The following NALCN variants were observed in gnomAD, a reference collection of about 807,000 sequenced individuals.
NALCN encodes sodium leak channel, non-selective.
A neutral mutation model predicts 225.3 loss-of-function variants in NALCN; 111 were observed. That is an observed-to-expected ratio of 0.49 (90% CI 0.42 to 0.58). The LOEUF is 0.58. Among genes scored for constraint, NALCN ranks in the 20% least tolerant of loss-of-function variants. NALCN has a pLI of 0.00. For missense variants in NALCN, 1,378 were observed against 2,202.4 expected, an observed-to-expected ratio of 0.63 and a Z score of 7.49; for synonymous variants, 764 against 769.0, an observed-to-expected ratio of 0.99 and a Z score of 0.11.
At chr13:101,281,852 GAGT>G (rs2043178691) in intron 10 of NALCN, among the ~76,000 whole-genome samples, 3 of 152,100 alleles carry the variant, frequency 2.0e-5, no homozygotes, top group Admixed American at 6.5e-5. Flanking sequence ...AGCAAATTCT[GAGT>G]AGATTTTTTT....
At chr13:101,361,989 T>C (rs944246888) in intron 6 of NALCN, among the ~76,000 whole-genome samples, 1 of 151,942 alleles carries the variant, frequency 6.6e-6, no homozygotes, top group Non-Finnish European at 1.5e-5. Context: ...TATTCTGAAA[T>C]ATATTCTTAT....
At chr13:101,112,511 G>A (rs1436775002) in intron 18 of NALCN, among the ~76,000 whole-genome samples, 1 of 152,110 alleles carries the variant, frequency 6.6e-6, no homozygotes, top group Non-Finnish European at 1.5e-5. Flanking sequence ...ATAACACAAG[G>A]GATTAAAAGA....
chr13:101,317,711 T>C (rs1041357352), intron 7 of NALCN, among the ~76,000 whole-genome samples: 1 of 152,150 alleles, frequency 6.6e-6, no homozygotes, highest in Non-Finnish European at 1.5e-5. Context: ...CCCTTACCTC[T>C]ACATGGGCCA....
intron 11 of NALCN, among the ~76,000 whole-genome samples, chr13:101,240,596 A>C (rs1273859146): frequency 6.6e-6 from 1 of 152,090 alleles, no homozygotes; most frequent in Non-Finnish European, 1.5e-5. Flanking sequence ...TGAATGCATT[A>C]GTTATAAAGG....
chr13:101,114,005 G>A (rs945784777), intron 18 of NALCN, among the ~76,000 whole-genome samples: 2 of 152,140 alleles, frequency 1.3e-5, no homozygotes, highest in African/African-American at 2.4e-5. Context: ...AGCGGCAGGT[G>A]CGTGGGGACT....
At position 101,397,105 on chromosome 13, in the gene NALCN, T is replaced by TATAC. The variant is rs1555346485; in HGVS notation, c.109-1741_109-1740insGTAT. 1.3e-4 allele frequency among the ~76,000 whole-genome samples: 10 copies of TATAC among 77,814 alleles called. 1 individual carries two copies. Among genetic ancestry groups the TATAC allele is most frequent in the Admixed American group, 4.2e-4 (3 of 7,132 alleles). 51.0% of individuals were successfully genotyped at this position (77,814 alleles called of 152,430 possible). A position where few individuals can be genotyped will look rare whatever the true frequency, so the allele number is the denominator to read the frequency against. ...ATATATATATATATATATATATATA[T>TATAC]ATATACATACACATACATATATATA... On this transcript the variant is annotated intron_variant, in intron 2 of 43. Coordinates refer to ENST00000251127, the MANE Select transcript of NALCN (RefSeq NM_052867.4).
At chr13:101,393,689 C>G (rs2047206849) in intron 3 of NALCN, among the ~76,000 whole-genome samples, 1 of 152,128 alleles carries the variant, frequency 6.6e-6, no homozygotes, top group Admixed American at 6.5e-5. Flanking sequence ...TGCCTGTAAT[C>G]CCAGCTACTT....
chr13:101,309,753 G>A (rs2044274651), intron 7 of NALCN, among the ~76,000 whole-genome samples: 1 of 152,162 alleles, frequency 6.6e-6, no homozygotes, highest in African/African-American at 2.4e-5. Flanking sequence ...ATCCTTTACT[G>A]TGTCAAAGAA....
At chr13:101,312,158 G>C (rs1042700669) in intron 7 of NALCN, among the ~76,000 whole-genome samples, 1 of 152,164 alleles carries the variant, frequency 6.6e-6, no homozygotes, top group African/African-American at 2.4e-5. Flanking sequence ...AGAGGTGTTT[G>C]TAATATTCTC....
intron 7 of NALCN, among the ~76,000 whole-genome samples, chr13:101,341,433 G>T (rs1416002768): frequency 2.6e-5 from 4 of 152,002 alleles, no homozygotes; most frequent in Non-Finnish European, 5.9e-5. Context: ...ATTTTTTCTG[G>T]ATGCCTAATG....
chr13:101,170,805 G>T (rs2038675092), intron 15 of NALCN, among the ~76,000 whole-genome samples: 2 of 152,104 alleles, frequency 1.3e-5, no homozygotes, highest in African/African-American at 4.8e-5. Flanking sequence ...AATCTAAACA[G>T]ACTACCTATA....
chr13:101,370,795 C>A (rs568901142), intron 6 of NALCN, among the ~76,000 whole-genome samples: 1 of 152,092 alleles, frequency 6.6e-6, no homozygotes, highest in African/African-American at 2.4e-5. Context: ...ACTGCACATA[C>A]GAAAGTGTAC....
rs2047396913 is a variant in NALCN, at chr13:101,399,182, T to C, written c.-39-17A>G. ...AACCACAGTCTGGGAAAAGGAAAAG[T>C]TGTATTTGTCATCTAAACCATCTTG... is the stretch of plus-strand genomic sequence containing the variant. On this transcript the variant is annotated splice_polypyrimidine_tract_variant and intron_variant, in intron 1 of 43. Coordinates refer to ENST00000251127, the MANE Select transcript of NALCN (RefSeq NM_052867.4). 2 of 1,601,450 alleles carry C rather than the reference T, an allele frequency of 1.2e-6. No homozygotes were observed. Among genetic ancestry groups the C allele is most frequent in the African/African-American group, 1.3e-5 (1 of 74,576 alleles).
chr13:101,076,961 T>C (rs1381640141), intron 34 of NALCN, among the ~76,000 whole-genome samples: 1 of 152,172 alleles, frequency 6.6e-6, no homozygotes, highest in Non-Finnish European at 1.5e-5. Context: ...ATAATCCCCA[T>C]GTATCCTGGG....
intron 6 of NALCN, among the ~76,000 whole-genome samples, chr13:101,356,023 C>T (rs1048540944): frequency 2.0e-5 from 3 of 152,016 alleles, no homozygotes; most frequent in African/African-American, 7.3e-5. Context: ...GACAACGTAC[C>T]AGAATATCTG....
intron 12 of NALCN, among the ~76,000 whole-genome samples, chr13:101,235,292 A>G (rs2041513407): frequency 6.6e-6 from 1 of 152,008 alleles, no homozygotes; most frequent in Non-Finnish European, 1.5e-5. Flanking sequence ...CACAAATGTT[A>G]TTTTCTAACT....
chr13:101,177,890 T>G (rs182070551), intron 14 of NALCN, among the ~76,000 whole-genome samples: 14 of 152,348 alleles, frequency 9.2e-5, no homozygotes, highest in Non-Finnish European at 1.9e-4. Context: ...TATATCAACA[T>G]GATTAAATTA....
At chr13:101,186,756 G>A (rs961002354) in intron 14 of NALCN, among the ~76,000 whole-genome samples, 1 of 152,024 alleles carries the variant, frequency 6.6e-6, no homozygotes, top group Admixed American at 6.6e-5. Flanking sequence ...ATATAAATCT[G>A]AGAAAAATTG....
At chr13:101,145,600 G>T (rs988228665) in intron 15 of NALCN, among the ~76,000 whole-genome samples, 1 of 152,150 alleles carries the variant, frequency 6.6e-6, no homozygotes, top group Admixed American at 6.5e-5. Context: ...CTGGAACAAG[G>T]CTGAACTAAG....
Sources: gnomAD v4.1 joint callset for allele counts (sites outside exome capture counted in the v4.1 genomes callset) on GRCh38, gnomAD v4.1.1 for gene constraint, MANE v1.5 for transcripts, NCBI Gene and HGNC (gene_info 2026-07-23, HGNC 2026-07-21) for gene names.